The following SLC24A2 variants were observed in gnomAD, a reference collection of about 807,000 sequenced individuals.
The protein encoded by SLC24A2 is sodium/potassium/calcium exchanger 2.
In SLC24A2, 36 loss-of-function variants were observed where a neutral mutation model predicts 62.0. The observed-to-expected ratio is 0.58, with a 90% CI of 0.44 to 0.77. The LOEUF is 0.77. Among genes scored for constraint, SLC24A2 ranks in the 30% least tolerant of loss-of-function variants. The pLI is 0.00. For missense variants in SLC24A2, 846 were observed against 817.9 expected, an observed-to-expected ratio of 1.03 and a Z score of -0.42; for synonymous variants, 358 against 294.0, an observed-to-expected ratio of 1.22 and a Z score of -2.23.
intron 2 of SLC24A2, among the ~76,000 whole-genome samples, chr9:19,700,104 T>C (rs1385015231): frequency 6.6e-6 from 1 of 152,224 alleles, no homozygotes; most frequent in Non-Finnish European, 1.5e-5. Flanking sequence ...TGAAAAGTAC[T>C]ATATAAATGC....
chr9:20,028,717 C>T, the SLC24A2 span, among the ~76,000 whole-genome samples: 1 of 152,210 alleles, frequency 6.6e-6, no homozygotes, highest in East Asian at 1.9e-4. Context: ...ATCTCAGGCC[C>T]ACCTGCGGCA....
At chr9:19,823,207 T>C in the SLC24A2 span, among the ~76,000 whole-genome samples, 1 of 152,150 alleles carries the variant, frequency 6.6e-6, no homozygotes, top group Non-Finnish European at 1.5e-5. Flanking sequence ...ATATGTTTTT[T>C]ATTTTTACAT....
chr9:19,551,362 C>A (rs1050420552), intron 7 of SLC24A2, among the ~76,000 whole-genome samples: 1 of 152,194 alleles, frequency 6.6e-6, no homozygotes, highest in African/African-American at 2.4e-5. Context: ...TTGTCAGCCA[C>A]TGAAGTCAGT....
At chr9:20,239,631 G>A in the SLC24A2 span, among the ~76,000 whole-genome samples, 1 of 152,214 alleles carries the variant, frequency 6.6e-6, no homozygotes, top group Non-Finnish European at 1.5e-5. Context: ...TACATGAGAA[G>A]AGCTTGAATT....
At chr9:19,979,509 G>A in the SLC24A2 span, among the ~76,000 whole-genome samples, 3 of 152,300 alleles carry the variant, frequency 2.0e-5, no homozygotes, top group South Asian at 4.1e-4. Flanking sequence ...GGCAGGTACT[G>A]TACACATATA....
intron 2 of SLC24A2, among the ~76,000 whole-genome samples, chr9:19,697,411 T>G (rs184778646): frequency 6.6e-6 from 1 of 152,136 alleles, no homozygotes; most frequent in Non-Finnish European, 1.5e-5. Context: ...AACCTGCACA[T>G]TCGGCATATG....
At chr9:19,779,632 G>A (rs1271767111) in intron 2 of SLC24A2, among the ~76,000 whole-genome samples, 1 of 152,172 alleles carries the variant, frequency 6.6e-6, no homozygotes, top group African/African-American at 2.4e-5. Flanking sequence ...AAAAGGTTTG[G>A]TATACAAGAA....
At chr9:20,164,497 A>T in the SLC24A2 span, among the ~76,000 whole-genome samples, 1 of 151,444 alleles carries the variant, frequency 6.6e-6, no homozygotes, top group Non-Finnish European at 1.5e-5. Context: ...GGTGCTGGAG[A>T]GGATGTGGAG....
chr9:19,607,109 A>T (rs1347085452), intron 4 of SLC24A2, among the ~76,000 whole-genome samples: 2 of 152,204 alleles, frequency 1.3e-5, no homozygotes, highest in Non-Finnish European at 2.9e-5. Flanking sequence ...AATGCCTTTC[A>T]TTTGGGAGAA....
chr9:20,153,968 C>G, the SLC24A2 span, among the ~76,000 whole-genome samples: 3 of 151,864 alleles, frequency 2.0e-5, no homozygotes. Flanking sequence ...TATTAAGCAG[C>G]TCTTTGCAGA....
intron 8 of SLC24A2, among the ~76,000 whole-genome samples, chr9:19,530,741 C>G (rs753747274): frequency 1.4e-4 from 22 of 152,126 alleles, no homozygotes; most frequent in African/African-American, 4.3e-4. Flanking sequence ...TAATGGGCAT[C>G]GAACCATACC....
At chr9:19,943,563 T>C in the SLC24A2 span, among the ~76,000 whole-genome samples, 2 of 152,180 alleles carry the variant, frequency 1.3e-5, no homozygotes, top group South Asian at 2.1e-4. Flanking sequence ...CACTATTAGT[T>C]GCTAGCAAGA....
chr9:19,655,296 C>T (rs765266561), intron 2 of SLC24A2, among the ~76,000 whole-genome samples: 2 of 152,170 alleles, frequency 1.3e-5, no homozygotes, highest in Non-Finnish European at 2.9e-5. Context: ...TTTCATCCAG[C>T]CTAAATAGCC....
the SLC24A2 span, among the ~76,000 whole-genome samples, chr9:20,096,826 T>C: frequency 1.3e-5 from 2 of 152,238 alleles, no homozygotes; most frequent in Admixed American, 1.3e-4. Context: ...TTCTGTTGTT[T>C]TGTTTCATTT....
At chr9:20,036,320 CTTG>C in the SLC24A2 span, among the ~76,000 whole-genome samples, 1 of 152,080 alleles carries the variant, frequency 6.6e-6, no homozygotes, top group South Asian at 2.1e-4. Flanking sequence ...ATATTTGACA[CTTG>C]TTGTAATGGG....
At chr9:20,145,725 T>A in the SLC24A2 span, among the ~76,000 whole-genome samples, 6 of 151,888 alleles carry the variant, frequency 4.0e-5, no homozygotes, top group East Asian at 9.7e-4. Flanking sequence ...TGTTAACATA[T>A]AAAAGCACTA....
intron 4 of SLC24A2, among the ~76,000 whole-genome samples, chr9:19,614,493 T>G (rs1249452495): frequency 2.0e-5 from 3 of 152,216 alleles, no homozygotes; most frequent in African/African-American, 7.2e-5. Context: ...TGTATGTCAC[T>G]GAAACAGACT....
intron 7 of SLC24A2, among the ~76,000 whole-genome samples, chr9:19,567,889 G>C (rs1835722045): frequency 6.6e-6 from 1 of 152,156 alleles, no homozygotes; most frequent in Non-Finnish European, 1.5e-5. Flanking sequence ...CTCTGTGAGA[G>C]TATTTTAAAA....
intron 4 of SLC24A2, among the ~76,000 whole-genome samples, chr9:19,608,176 G>A (rs1837044312): frequency 6.6e-6 from 1 of 152,174 alleles, no homozygotes; most frequent in Non-Finnish European, 1.5e-5. Context: ...CATCTTGGTA[G>A]TATAAGCTGA....
Sources: gnomAD v4.1 joint callset for allele counts (sites outside exome capture counted in the v4.1 genomes callset) on GRCh38, gnomAD v4.1.1 for gene constraint, MANE v1.5 for transcripts, NCBI Gene and HGNC (gene_info 2026-07-23, HGNC 2026-07-21) for gene names.